The following ZPBP variants were observed in gnomAD, a reference collection of about 807,000 sequenced individuals.
The protein encoded by ZPBP is zona pellucida binding protein, also known as zona pellucida-binding protein 1.
Under a neutral mutation model 44.8 loss-of-function variants are expected in ZPBP, and 26 were observed. The ratio of observed to expected loss-of-function variants is 0.58; its 90% confidence interval spans 0.43 to 0.81. The LOEUF (loss-of-function observed/expected upper bound fraction) is 0.81. Among genes scored for constraint, ZPBP ranks in the 30% least tolerant of loss-of-function variants. The pLI is 0.00. For synonymous variants in ZPBP, 174 were observed against 153.2 expected (o/e 1.14, Z -1.00); for missense variants, 409 against 434.0 (o/e 0.94, Z 0.51).
chr7:50,055,708 G>A lies in ZPBP; in HGVS notation c.487+2281C>T, dbSNP rs140546381. Among the ~76,000 whole-genome samples, 897 of 152,218 alleles carry A rather than the reference G, an allele frequency of 5.9e-3. 6 individuals are homozygous for A. The highest frequency in any genetic ancestry group is 0.02 in the African/African-American group (839 of 41,538). ...GCATTATATAAATATGGATTTTGCT[G>A]TTGTTGTAATAATTACATGTAAAAA... is the stretch of plus-strand genomic sequence containing the variant. On this transcript the variant is annotated intron_variant, in intron 4 of 7. Transcript: ENST00000046087.
chr7:49,873,233 AT>A (rs1757298561), intron 2 of ZPBP, among the ~76,000 whole-genome samples: 1 of 152,120 alleles, frequency 6.6e-6, no homozygotes, highest in African/African-American at 2.4e-5. Context: ...ACAGACATTT[AT>A]TTTTTACAGT....
intron 7 of ZPBP, among the ~76,000 whole-genome samples, chr7:49,972,245 G>A (rs1796328668): frequency 6.6e-6 from 1 of 151,376 alleles, no homozygotes; most frequent in South Asian, 2.1e-4. Flanking sequence ...TCTAGCCAGA[G>A]AAATTGGGCA....
chr7:50,063,822 G>A (rs1801368139), intron 3 of ZPBP, among the ~76,000 whole-genome samples: 1 of 152,084 alleles, frequency 6.6e-6, no homozygotes, highest in Non-Finnish European at 1.5e-5. Context: ...TTTTATTTGT[G>A]TTGCTTGTAT....
Position 50,055,353 on chromosome 7 carries a change from A to C in ZPBP, c.487+2636T>G, listed in dbSNP as rs114150076. 7.8e-3 allele frequency among the ~76,000 whole-genome samples: 1,186 copies of C among 152,312 alleles called. 25 individuals carry two copies. The highest frequency in any genetic ancestry group is 0.027 in the African/African-American group (1,125 of 41,582). ...AGATTAAAGGAGCTATGTATAATAAAATAGAATCAATTGCATTTGTTTTAA... is the reference window on the plus strand; with the variant it reads ...AGATTAAAGGAGCTATGTATAATAACATAGAATCAATTGCATTTGTTTTAA... On this transcript the variant is annotated intron_variant, in intron 4 of 7. Transcript: ENST00000046087.
At chr7:49,891,018 C>A (rs1268388972) in intron 2 of ZPBP, among the ~76,000 whole-genome samples, 10 of 152,150 alleles carry the variant, frequency 6.6e-5, no homozygotes, top group African/African-American at 2.4e-4. Context: ...TAGATTTAAG[C>A]CAAATATATT....
chr7:49,928,190 A>G (rs1346703269), intron 1 of ZPBP, among the ~76,000 whole-genome samples: 1 of 152,192 alleles, frequency 6.6e-6, no homozygotes, highest in Non-Finnish European at 1.5e-5. Flanking sequence ...AGGCTGACCA[A>G]TGCCCACAGG....
At chr7:49,962,265 C>T (rs986553053) in intron 7 of ZPBP, among the ~76,000 whole-genome samples, 6 of 151,626 alleles carry the variant, frequency 4.0e-5, no homozygotes, top group African/African-American at 1.2e-4. Flanking sequence ...GTTATTATAG[C>T]ATATAAAAAT....
downstream of ZPBP, among the ~76,000 whole-genome samples, chr7:49,933,323 T>G (rs1227237551): frequency 6.6e-6 from 1 of 152,180 alleles, no homozygotes; most frequent in Non-Finnish European, 1.5e-5. Flanking sequence ...CTTTACAAAT[T>G]TCCTGTAATT....
intron 6 of ZPBP, among the ~76,000 whole-genome samples, chr7:50,014,516 G>C (rs1197465856): frequency 6.9e-6 from 1 of 145,002 alleles, no homozygotes; most frequent in Non-Finnish European, 1.5e-5. Flanking sequence ...CCAGACTGGA[G>C]TGCAGTGGTG....
intron 7 of ZPBP, among the ~76,000 whole-genome samples, chr7:49,971,719 T>C (rs544221173): frequency 6.6e-5 from 10 of 152,104 alleles, no homozygotes; most frequent in Non-Finnish European, 1.3e-4. Context: ...ATCTGAATGT[T>C]TGCAGAGGAA....
At chr7:49,859,126 T>A (rs545550977) in intron 2 of ZPBP, among the ~76,000 whole-genome samples, 1 of 152,222 alleles carries the variant, frequency 6.6e-6, no homozygotes, top group Non-Finnish European at 1.5e-5. Flanking sequence ...AGAATTTCAC[T>A]GATGGGGCAT....
chr7:49,983,497 A>C lies in ZPBP; in HGVS notation c.806T>G (p.Phe269Cys), dbSNP rs747400544. The change falls in exon 7 of 8, where the codon TTT becomes TGT. Residue 269 changes from phenylalanine to cysteine, a missense_variant. Around this residue, in one of 2 missense-constraint regions of ZPBP, gnomAD observed 367 missense variants for 363.1 expected, o/e 1.01. Coordinates refer to ENST00000046087, the MANE Select transcript of ZPBP (RefSeq NM_007009.3). ...LFKAKNLIER[F>C]FNQQVEILGR... ...AAGAATTTCTACTTGTTGATTAAAA[A>C]ATCTCTCTATGAGATTTTTAGCCTA... 3.1e-6 allele frequency: 5 copies of C among 1,606,064 alleles called. No homozygotes were observed. The highest frequency in any genetic ancestry group is 4.3e-6 in the Non-Finnish European group (5 of 1,174,710).
At chr7:50,067,387 C>T (rs1007711781) in intron 3 of ZPBP, among the ~76,000 whole-genome samples, 1 of 152,034 alleles carries the variant, frequency 6.6e-6, no homozygotes, top group Non-Finnish European at 1.5e-5. Context: ...TGCAAAGCAG[C>T]AGAAGCATAT....
intron 7 of ZPBP, among the ~76,000 whole-genome samples, chr7:49,951,556 T>TA (rs1014994280): frequency 8.1e-5 from 12 of 148,150 alleles, no homozygotes; most frequent in African/African-American, 2.5e-4. Flanking sequence ...TTTTTTTTTT[T>TA]AAAAAGGAAA....
At chr7:49,986,391 T>G (rs772079949) in intron 6 of ZPBP, among the ~76,000 whole-genome samples, 2 of 152,164 alleles carry the variant, frequency 1.3e-5, no homozygotes, top group Non-Finnish European at 2.9e-5. Flanking sequence ...CAGCACCCCA[T>G]TCCCCCTTCC....
chr7:49,979,845 AT>A (rs1394753042), intron 7 of ZPBP, among the ~76,000 whole-genome samples: 107 of 69,812 alleles, frequency 1.5e-3, no homozygotes, highest in African/African-American at 5.2e-3. Flanking sequence ...ATATATATAT[AT>A]AAAATATATA....
intron 7 of ZPBP, among the ~76,000 whole-genome samples, chr7:49,951,423 G>C (rs983259928): frequency 6.6e-6 from 1 of 151,090 alleles, no homozygotes; most frequent in African/African-American, 2.4e-5. Flanking sequence ...CTCCAAAAAA[G>C]ATACACAAAT....
chr7:49,946,557 G>C (rs908147759), intron 7 of ZPBP, among the ~76,000 whole-genome samples: 6 of 152,074 alleles, frequency 3.9e-5, no homozygotes, highest in Non-Finnish European at 7.4e-5. Flanking sequence ...CCACTGAGAA[G>C]TCTGCTCACA....
downstream of ZPBP, among the ~76,000 whole-genome samples, chr7:49,847,289 C>T (rs917516829): frequency 4.6e-5 from 7 of 151,272 alleles, no homozygotes; most frequent in Non-Finnish European, 7.4e-5. Context: ...GTATCATTTG[C>T]GACTATTGAC....
Sources: gnomAD v4.1 joint callset for allele counts (sites outside exome capture counted in the v4.1 genomes callset) on GRCh38, gnomAD v4.1.1 for gene constraint, gnomAD v4.1.1 regional missense constraint, MANE v1.5 for transcripts, NCBI Gene and HGNC (gene_info 2026-07-23, HGNC 2026-07-21) for gene names.